The following DCTD variants were observed in gnomAD, a reference collection of about 807,000 sequenced individuals.
The protein encoded by DCTD is dCMP deaminase, also known as deoxycytidylate deaminase.
DCTD carries 23 observed loss-of-function variants against 21.0 expected under a neutral mutation model. The ratio of observed to expected loss-of-function variants is 1.09; its 90% CI spans 0.79 to 1.55. DCTD has a LOEUF of 1.55. DCTD is among the 40% of genes most tolerant of loss of function. The pLI is 0.00. For synonymous variants in DCTD, 71 were observed against 81.1 expected (o/e 0.88, Z 0.67); for missense variants, 224 against 230.0 (o/e 0.97, Z 0.17).
At chr4:182,902,455 C>T (rs191960040) in intron 3 of DCTD, among the ~76,000 whole-genome samples, 12 of 152,306 alleles carry the variant, frequency 7.9e-5, no homozygotes, top group Admixed American at 7.8e-4. Flanking sequence ...TATCACTTCT[C>T]TAAGATAGTT....
chr4:182,909,220 A>T (rs1197673707), intron 3 of DCTD, among the ~76,000 whole-genome samples: 7 of 152,194 alleles, frequency 4.6e-5, no homozygotes. Context: ...CCTTTCTGAA[A>T]ACTGTTTATA....
intron 4 of DCTD, among the ~76,000 whole-genome samples, chr4:182,893,775 C>T (rs112256194): frequency 2.0e-5 from 3 of 152,356 alleles, no homozygotes; most frequent in South Asian, 4.1e-4. Context: ...ACGGTGACGG[C>T]GACAGCCAGG....
Position 182,891,279 on chromosome 4 carries a change from A to G in DCTD, c.*120T>C. The stretch of plus-strand genomic sequence containing the variant: ...GAAGATTTGAGGCTTTATATTCTTT[A>G]GATGCCTACTTTTGCCATACTGGCT... On this transcript the variant is annotated 3_prime_UTR_variant, in exon 6 of 6. Transcript: ENST00000438320. 1 of 714,734 alleles carries G rather than the reference A, an allele frequency of 1.4e-6. No individual in the cohort carries two copies. Among genetic ancestry groups the G allele is most frequent in the Admixed American group, 2.1e-5 (1 of 46,674 alleles). The allele number at this position is 714,734 out of a possible 1,614,324, so 44.3% of individuals were successfully genotyped here.
intron 3 of DCTD, among the ~76,000 whole-genome samples, chr4:182,896,881 G>T (rs1695035360): frequency 6.6e-6 from 1 of 152,194 alleles, no homozygotes; most frequent in South Asian, 2.1e-4. Context: ...AGGAAATGCA[G>T]ATTCCAATTA....
intron 3 of DCTD, among the ~76,000 whole-genome samples, chr4:182,913,996 TTTTG>T (rs1010608678): frequency 2.2e-4 from 31 of 141,018 alleles, no homozygotes; most frequent in African/African-American, 5.7e-4. Context: ...TTGTTTTGTT[TTTTG>T]TTTGTTTGTT....
intron 1 of DCTD, 136 bp from the exon 2 acceptor site, chr4:182,915,711 A>C: frequency 1.3e-6 from 1 of 778,226 alleles, no homozygotes; most frequent in South Asian, 1.6e-5. Context: ...ATCAGAAATC[A>C]CAGCACATGG....
chr4:182,903,031 C>T (rs1378688086), intron 3 of DCTD, among the ~76,000 whole-genome samples: 1 of 152,038 alleles, frequency 6.6e-6, no homozygotes, highest in Non-Finnish European at 1.5e-5. Flanking sequence ...AAGGTAATAC[C>T]CTGTTCAAGT....
rs369349624 is a variant in DCTD, at chr4:182,900,527, G to A, written c.245-5922C>T. On this transcript the variant is annotated intron_variant, in intron 3 of 5. Transcript: ENST00000438320. ...GAAGTAATTGTTAGTTTTTATATTCGTAGTAGGAATAAGGATCAAGTATTT... is the reference window on the plus strand; with the variant it reads ...GAAGTAATTGTTAGTTTTTATATTCATAGTAGGAATAAGGATCAAGTATTT... Among the ~76,000 whole-genome samples the A allele has an allele frequency of 4.6e-5, 7 of 151,804 alleles. No individual in the cohort carries two copies. The South Asian group carries it at 1.0e-3, about 23-fold the overall frequency.
At chr4:182,904,786 T>C (rs538122177) in intron 3 of DCTD, among the ~76,000 whole-genome samples, 1 of 152,214 alleles carries the variant, frequency 6.6e-6, no homozygotes, top group East Asian at 1.9e-4. Context: ...GTGCAACTGA[T>C]CACACTCTGC....
chr4:182,912,147 AGC>A (rs36106622), intron 3 of DCTD, among the ~76,000 whole-genome samples: 84 of 133,544 alleles, frequency 6.3e-4, no homozygotes, highest in Middle Eastern at 4.0e-3. Flanking sequence ...TTAAAACGAA[AGC>A]AAAAAAAAAA....
In DCTD at chr4:182,903,406, G is replaced by A. The variant is rs532395696; in HGVS notation, c.245-8801C>T. Among the ~76,000 whole-genome samples the A allele has an allele frequency of 3.5e-4, 53 of 152,214 alleles. 1 individual carries two copies. Among genetic ancestry groups the A allele is most frequent in the African/African-American group, 1.3e-3 (52 of 41,532 alleles). On this transcript the variant is annotated intron_variant, in intron 3 of 5. Transcript: ENST00000438320. ...AAAGTAACTGAGCCCTCCCGCCATG[G>A]AGGGACACATGATTCCACCTGATAG...
At chr4:182,916,210 A>T in intron 1 of DCTD, 1 of 200,484 alleles carries the variant, frequency 5.0e-6, no homozygotes, top group Non-Finnish European at 8.9e-6. Flanking sequence ...AACTCCGAGT[A>T]ATGAATTACA....
chr4:182,895,117 C>T (rs1379273817), intron 3 of DCTD, among the ~76,000 whole-genome samples: 1 of 152,210 alleles, frequency 6.6e-6, no homozygotes, highest in Non-Finnish European at 1.5e-5. Context: ...CGTTCTGTTG[C>T]CCAGAGTGCA....
intron 3 of DCTD, among the ~76,000 whole-genome samples, chr4:182,904,336 A>G (rs1261698684): frequency 9.2e-5 from 14 of 152,330 alleles, no homozygotes; most frequent in Non-Finnish European, 8.8e-5. Flanking sequence ...AGGCCATGCC[A>G]ACTCCCTTCC....
At chr4:182,906,773 G>C (rs957518931) in intron 3 of DCTD, among the ~76,000 whole-genome samples, 1 of 152,182 alleles carries the variant, frequency 6.6e-6, no homozygotes, top group African/African-American at 2.4e-5. Flanking sequence ...AAAAATTCAT[G>C]CTCAGTTATC....
chr4:182,900,526 C>A (rs762619175), intron 3 of DCTD, among the ~76,000 whole-genome samples: 11 of 151,376 alleles, frequency 7.3e-5, no homozygotes, highest in Non-Finnish European at 1.6e-4. Context: ...TTTTTATATT[C>A]GTAGTAGGAA....
chr4:182,915,253 C>T (rs1738516868), intron 2 of DCTD, among the ~76,000 whole-genome samples, 195 bp from the exon 3 acceptor site: 1 of 152,208 alleles, frequency 6.6e-6, no homozygotes, highest in Non-Finnish European at 1.5e-5. Context: ...CCCCCAGTCC[C>T]AGAAGGGGCA....
intron 5 of DCTD, among the ~76,000 whole-genome samples, chr4:182,892,481 G>A (rs540932654): frequency 9.9e-5 from 15 of 151,952 alleles, no homozygotes; most frequent in South Asian, 2.1e-4. Context: ...GTGAAACCCC[G>A]TCTCTACTGA....
chr4:182,893,093 G>A lies in DCTD; in HGVS notation c.396C>T (p.Tyr132=), dbSNP rs1734096674. 3 of 1,611,256 alleles carry A rather than the reference G, an allele frequency of 1.9e-6. No homozygotes were observed. Among genetic ancestry groups the A allele is most frequent in the Non-Finnish European group, 2.5e-6 (3 of 1,178,240 alleles). Residue 132 remains tyrosine, a synonymous_variant, in exon 5 of 6, where the codon TAC becomes TAT. Transcript: ENST00000438320. ...CAGCAGTTGCCTCGTCACTATCATG[G>A]TATTTATCAGACATGAAAATCACTT... ...IKEVIFMSDK[Y]HDSDEATAAR... is the part of the protein sequence containing the mutation.
Sources: allele counts gnomAD v4.1 joint callset (sites outside exome capture counted in the v4.1 genomes callset), GRCh38; gene constraint gnomAD v4.1.1; transcripts MANE v1.5; gene names NCBI Gene and HGNC (gene_info 2026-07-23, HGNC 2026-07-21).